Variants in CA10 observed in about 807,000 individuals in gnomAD.
CA10 encodes carbonic anhydrase 10 (inactive), also known as carbonic anhydrase-related protein 10.
CA10 carries 14 observed loss-of-function variants against 44.2 expected under a neutral mutation model. The ratio of observed to expected loss-of-function variants is 0.32; its 90% CI spans 0.21 to 0.50. CA10 has a LOEUF of 0.50. Among genes scored for constraint, CA10 ranks in the 20% least tolerant of loss-of-function variants. The pLI is 0.99. For missense variants in CA10, 350 were observed against 409.7 expected (o/e 0.85, Z 1.26); for synonymous variants, 159 against 141.6 (o/e 1.12, Z -0.87).
At chr17:51,874,552 C>A (rs1979965710) in intron 3 of CA10, among the ~76,000 whole-genome samples, 1 of 152,034 alleles carries the variant, frequency 6.6e-6, no homozygotes, top group Non-Finnish European at 1.5e-5. Flanking sequence ...ACCACATGCA[C>A]CAGGAAAGGC....
chr17:51,860,986 A>T (rs1343536723), intron 3 of CA10, among the ~76,000 whole-genome samples: 1 of 152,194 alleles, frequency 6.6e-6, no homozygotes, highest in African/African-American at 2.4e-5. Context: ...GTACTCTCTG[A>T]AATCTTAACA....
chr17:52,099,594 C>T (rs986063609), intron 1 of CA10, among the ~76,000 whole-genome samples: 2 of 152,174 alleles, frequency 1.3e-5, no homozygotes, highest in African/African-American at 4.8e-5. Flanking sequence ...TTTCAGATGG[C>T]TGCCAGTCAT....
chr17:51,636,053 G>T, intron 6 of CA10, 44 bp from the exon 7 acceptor site: 1 of 1,361,304 alleles, frequency 7.3e-7, no homozygotes, highest in South Asian at 1.4e-5. Context: ...TCTTGAGAAA[G>T]GGATGGTATT....
chr17:52,020,987 C>CT (rs1289173563), intron 2 of CA10, among the ~76,000 whole-genome samples: 5 of 151,916 alleles, frequency 3.3e-5, no homozygotes, highest in East Asian at 1.9e-4. Context: ...GGATTTTGTT[C>CT]TTTTTTTATT....
intron 1 of CA10, among the ~76,000 whole-genome samples, chr17:52,145,028 T>C (rs1187789839): frequency 1.3e-5 from 2 of 152,206 alleles, no homozygotes; most frequent in Non-Finnish European, 2.9e-5. Context: ...GTATAACGTA[T>C]AATGTTTTCG....
intron 2 of CA10, among the ~76,000 whole-genome samples, chr17:51,948,468 TC>T (rs1450579409): frequency 6.6e-6 from 1 of 152,092 alleles, no homozygotes; most frequent in Non-Finnish European, 1.5e-5. Flanking sequence ...GCTGCAACGC[TC>T]CCCAGAGGAC....
chr17:51,904,910 T>C (rs1282373347), intron 3 of CA10, among the ~76,000 whole-genome samples: 2 of 152,158 alleles, frequency 1.3e-5, no homozygotes, highest in African/African-American at 4.8e-5. Context: ...TATACTTAGA[T>C]GAATTATTTA....
At chr17:51,944,945 A>C (rs1444802944) in intron 2 of CA10, among the ~76,000 whole-genome samples, 1 of 152,094 alleles carries the variant, frequency 6.6e-6, no homozygotes, top group Non-Finnish European at 1.5e-5. Context: ...CTCTGCACCC[A>C]CTTTCCGAAT....
In CA10 at chr17:51,763,626, C is replaced by T. The variant is rs148941372; in HGVS notation, c.280-15808G>A. Among the ~76,000 whole-genome samples the T allele has an allele frequency of 1.4e-3, 212 of 152,296 alleles. 1 individual carries two copies. In the East Asian group the frequency reaches 0.019, roughly 14 times the overall value. Reference sequence around the variant, plus strand: ...CTGAAAAGCCTCTCAGATTTCCACTCGATGAGGTGATTTCATGGTGCATTT... The same window carrying T: ...CTGAAAAGCCTCTCAGATTTCCACTTGATGAGGTGATTTCATGGTGCATTT... On this transcript the variant is annotated intron_variant, in intron 3 of 8. Coordinates refer to ENST00000451037, the MANE Select transcript of CA10 (RefSeq NM_020178.5).
intron 3 of CA10, among the ~76,000 whole-genome samples, chr17:51,765,450 A>G (rs1905337092): frequency 6.6e-6 from 1 of 152,228 alleles, no homozygotes; most frequent in Admixed American, 6.5e-5. Flanking sequence ...CTGCAGGGTC[A>G]CCGTCTTCCC....
At chr17:51,729,978 G>A (rs1180644014) in intron 4 of CA10, among the ~76,000 whole-genome samples, 1 of 152,216 alleles carries the variant, frequency 6.6e-6, no homozygotes, top group Non-Finnish European at 1.5e-5. Flanking sequence ...TGAGTAAACT[G>A]AGGCAGGGAG....
chr17:51,634,423 C>T (rs766556755), intron 7 of CA10, among the ~76,000 whole-genome samples: 6 of 152,194 alleles, frequency 3.9e-5, no homozygotes, highest in Non-Finnish European at 7.3e-5. Context: ...GGTGGGAACA[C>T]ATATCCCGTC....
rs111311467 is a variant in CA10 at position 51,696,672 on chromosome 17, G to A, written c.466-42936C>T. 4.1e-4 allele frequency among the ~76,000 whole-genome samples: 63 copies of A among 152,232 alleles called. 1 individual carries two copies. The highest frequency in any genetic ancestry group is 1.4e-3 in the African/African-American group (57 of 41,534). On this transcript the variant is annotated intron_variant, in intron 4 of 8. Coordinates refer to ENST00000451037, the MANE Select transcript of CA10 (RefSeq NM_020178.5). Reference sequence around the variant, plus strand: ...TTTTTCTAGTTCCTCTAGGTGTGATGTTAGATTGTTAATCTGAGATCTTTC... The same window carrying A: ...TTTTTCTAGTTCCTCTAGGTGTGATATTAGATTGTTAATCTGAGATCTTTC...
intron 5 of CA10, among the ~76,000 whole-genome samples, chr17:51,652,605 G>T (rs559517851): frequency 7.9e-5 from 12 of 152,376 alleles, no homozygotes; most frequent in African/African-American, 2.9e-4. Flanking sequence ...GGGTGAGGAA[G>T]TTAGGAGGGG....
At chr17:52,016,353 ACT>A (rs1441628420) in intron 2 of CA10, among the ~76,000 whole-genome samples, 2 of 151,966 alleles carry the variant, frequency 1.3e-5, no homozygotes, top group Non-Finnish European at 2.9e-5. Flanking sequence ...CATTTCATTA[ACT>A]CTATATTTCC....
chr17:51,689,688 C>T (rs2143418680), intron 4 of CA10, among the ~76,000 whole-genome samples: 1 of 152,290 alleles, frequency 6.6e-6, no homozygotes, highest in East Asian at 1.9e-4. Context: ...ACAATTTGAG[C>T]TGTCCCCAGC....
chr17:51,800,379 T>C (rs934536935), intron 3 of CA10, among the ~76,000 whole-genome samples: 1 of 152,200 alleles, frequency 6.6e-6, no homozygotes, highest in Non-Finnish European at 1.5e-5. Flanking sequence ...AATGCATTTC[T>C]TAATGGAGTG....
At chr17:51,869,156 AG>A (rs368566100) in intron 3 of CA10, among the ~76,000 whole-genome samples, 11 of 152,296 alleles carry the variant, frequency 7.2e-5, no homozygotes, top group African/African-American at 2.4e-4. Context: ...TCACAAATTA[AG>A]GGTACACATA....
intron 3 of CA10, among the ~76,000 whole-genome samples, chr17:51,851,782 T>C (rs1393203582): frequency 2.6e-5 from 4 of 152,222 alleles, no homozygotes; most frequent in African/African-American, 9.6e-5. Context: ...CTAGTCTCTT[T>C]GGCCATGTTT....
Sources: allele counts gnomAD v4.1 joint callset (sites outside exome capture counted in the v4.1 genomes callset), GRCh38; gene constraint gnomAD v4.1.1; transcripts MANE v1.5; gene names NCBI Gene and HGNC (gene_info 2026-07-23, HGNC 2026-07-21).